The following TRERF1 variants were observed in gnomAD, a reference collection of about 807,000 sequenced individuals.
The protein encoded by TRERF1 is transcriptional-regulating factor 1.
Under a neutral mutation model 122.9 loss-of-function variants are expected in TRERF1, and 27 were observed. That is an observed-to-expected ratio of 0.22 (90% CI 0.16 to 0.30). The LOEUF (loss-of-function observed/expected upper bound fraction) is 0.30. Ranked by LOEUF, TRERF1 falls within the 10% of genes least tolerant of loss-of-function variation. TRERF1 has a pLI of 1.00. For missense variants in TRERF1, 1,248 were observed against 1,560.3 expected (o/e 0.80, Z 3.37); for synonymous variants, 636 against 641.7 (o/e 0.99, Z 0.13).
intron 3 of TRERF1, among the ~76,000 whole-genome samples, chr6:42,317,326 C>T (rs1055922390): frequency 3.3e-5 from 5 of 151,918 alleles, no homozygotes; most frequent in Admixed American, 2.6e-4. Flanking sequence ...CCTCACTCAG[C>T]ACTAATTTCC....
chr6:42,371,506 G>A (rs1290526909), intron 2 of TRERF1, among the ~76,000 whole-genome samples: 12 of 152,162 alleles, frequency 7.9e-5, no homozygotes, highest in Admixed American at 2.0e-4. Context: ...AGCGGTTCCC[G>A]AGGCCAAGAG....
chr6:42,347,650 A>C (rs894148377), intron 3 of TRERF1, among the ~76,000 whole-genome samples: 2 of 152,194 alleles, frequency 1.3e-5, no homozygotes, highest in East Asian at 3.8e-4. Flanking sequence ...TCTCCTTCGC[A>C]TGGCAGTATG....
At chr6:42,348,659 G>A (rs1189012876) in intron 3 of TRERF1, among the ~76,000 whole-genome samples, 1 of 152,152 alleles carries the variant, frequency 6.6e-6, no homozygotes, top group Admixed American at 6.5e-5. Flanking sequence ...TACCGGGGAC[G>A]ATCCACGTAT....
At chr6:42,350,879 C>T (rs1769288827) in intron 3 of TRERF1, among the ~76,000 whole-genome samples, 1 of 152,064 alleles carries the variant, frequency 6.6e-6, no homozygotes, top group Non-Finnish European at 1.5e-5. Context: ...TGAATACACA[C>T]ACCGCATAAA....
rs983684778 is a variant in TRERF1 at position 42,228,147 on chromosome 6, C to T, written c.*198G>A. The T allele has an allele frequency of 1.2e-5, 6 of 491,098 alleles. No individual in the cohort carries two copies. Among genetic ancestry groups the T allele is most frequent in the Non-Finnish European group, 2.1e-5 (6 of 283,656 alleles). 30.4% of individuals were successfully genotyped at this position (491,098 alleles called of 1,614,324 possible). A position where few individuals can be genotyped will look rare whatever the true frequency, so the allele number is the denominator to read the frequency against. Reference sequence around the variant, plus strand: ...AAGATAGTTGTGCCAATTATTTATTCCCCCAACCCCCCACAAAAACAAATT... The same window carrying T: ...AAGATAGTTGTGCCAATTATTTATTTCCCCAACCCCCCACAAAAACAAATT... On this transcript the variant is annotated 3_prime_UTR_variant, in exon 18 of 18. Transcript: ENST00000372922. This position sits in a 1 kb window ranked among gnomAD's most constrained non-coding sequence, Gnocchi z 4.2.
intron 4 of TRERF1, among the ~76,000 whole-genome samples, chr6:42,270,600 A>G (rs1780041396): frequency 6.6e-6 from 1 of 152,158 alleles, no homozygotes; most frequent in Non-Finnish European, 1.5e-5. Context: ...GATGAGTCGC[A>G]TAAATAATTA....
At chr6:42,257,043 G>C (rs1582606195) in exon 11 of TRERF1, 2 of 1,614,198 alleles carry the variant, frequency 1.2e-6, no homozygotes, top group South Asian at 2.2e-5. Flanking sequence ...CTGGGCCAGG[G>C]CAGAGATATC....
chr6:42,419,460 G>A (rs143989507), intron 2 of TRERF1, among the ~76,000 whole-genome samples: 3 of 151,874 alleles, frequency 2.0e-5, no homozygotes, highest in Non-Finnish European at 4.4e-5. Flanking sequence ...ACCTCCATGC[G>A]ACTCACAAAA....
chr6:42,335,370 A>C, intron 3 of TRERF1, among the ~76,000 whole-genome samples: 1 of 152,372 alleles, frequency 6.6e-6, no homozygotes. Context: ...CTCACAGTGC[A>C]CCAGGCACTC....
intron 2 of TRERF1, among the ~76,000 whole-genome samples, chr6:42,413,074 C>T (rs1658313844): frequency 1.3e-5 from 2 of 152,150 alleles, no homozygotes; most frequent in South Asian, 4.1e-4. Context: ...ATTTTGTAGC[C>T]ACAAACCATC....
At chr6:42,293,209 C>T (rs1238422202) in intron 4 of TRERF1, among the ~76,000 whole-genome samples, 3 of 152,230 alleles carry the variant, frequency 2.0e-5, no homozygotes, top group African/African-American at 7.2e-5. Flanking sequence ...CTAACCCTGA[C>T]AGTTTGTGGG....
At chr6:42,337,382 A>G (rs1254231946) in intron 3 of TRERF1, among the ~76,000 whole-genome samples, 1 of 152,192 alleles carries the variant, frequency 6.6e-6, no homozygotes, top group African/African-American at 2.4e-5. Context: ...CTGATCCTCA[A>G]GGAGGTTAGC....
chr6:42,322,383 G>A (rs1256140021), intron 3 of TRERF1, among the ~76,000 whole-genome samples: 1 of 152,088 alleles, frequency 6.6e-6, no homozygotes, highest in Non-Finnish European at 1.5e-5. Flanking sequence ...AGTTAAAAGT[G>A]CCTCCAAGCA....
chr6:42,364,871 C>T (rs903500219), intron 2 of TRERF1, among the ~76,000 whole-genome samples: 2 of 152,152 alleles, frequency 1.3e-5, no homozygotes, highest in Non-Finnish European at 2.9e-5. Flanking sequence ...GAAGTTGCTG[C>T]TGCAGGACTG....
chr6:42,379,631 A>G (rs1326393973), intron 2 of TRERF1, among the ~76,000 whole-genome samples: 1 of 152,172 alleles, frequency 6.6e-6, no homozygotes, highest in African/African-American at 2.4e-5. Flanking sequence ...TCCAGGCATC[A>G]ACAATCCTCC....
intron 2 of TRERF1, among the ~76,000 whole-genome samples, chr6:42,400,019 AC>A (rs1779165431): frequency 1.3e-5 from 2 of 152,052 alleles, no homozygotes; most frequent in South Asian, 4.1e-4. Flanking sequence ...TCACTGTGAG[AC>A]TGTGGAAAGA....
intron 2 of TRERF1, among the ~76,000 whole-genome samples, chr6:42,366,907 T>A (rs1245599031): frequency 1.3e-5 from 2 of 152,072 alleles, no homozygotes; most frequent in African/African-American, 4.8e-5. Flanking sequence ...AACATGGGGC[T>A]GAGAGAAAAC....
At chr6:42,434,181 A>G (rs1034545450) in intron 2 of TRERF1, among the ~76,000 whole-genome samples, 1 of 152,234 alleles carries the variant, frequency 6.6e-6, no homozygotes, top group Non-Finnish European at 1.5e-5. Flanking sequence ...GTAGGATACC[A>G]TGAAAGGGTC....
At chr6:42,294,409 C>T (rs199940561) in intron 4 of TRERF1, among the ~76,000 whole-genome samples, 5 of 151,760 alleles carry the variant, frequency 3.3e-5, no homozygotes, top group Non-Finnish European at 5.9e-5. Flanking sequence ...CTCGAACTCC[C>T]GGTCTCATGA....
Sources: gnomAD v4.1 joint callset for allele counts (sites outside exome capture counted in the v4.1 genomes callset) on GRCh38, gnomAD v4.1.1 for gene constraint, Gnocchi (gnomAD v3.1) non-coding constraint, MANE v1.5 for transcripts, NCBI Gene and HGNC (gene_info 2026-07-23, HGNC 2026-07-21) for gene names.